Variants in TNR observed in about 807,000 individuals in gnomAD.
The protein encoded by TNR is tenascin-R.
A neutral mutation model predicts 150.4 loss-of-function variants in TNR; 45 were observed. That is an observed-to-expected ratio of 0.30 (90% CI 0.24 to 0.38). The LOEUF is 0.38. Among genes scored for constraint, TNR ranks in the 10% least tolerant of loss-of-function variants. The probability of loss-of-function intolerance (pLI) is 1.00; values close to 1 mark genes in which losing one functional copy is unlikely to be tolerated. For synonymous variants in TNR, 687 were observed against 678.4 expected, an observed-to-expected ratio of 1.01 and a Z score of -0.20; for missense variants, 1,544 against 1,759.1, an observed-to-expected ratio of 0.88 and a Z score of 2.19.
At chr1:175,541,883 T>C (rs1398011470) in intron 1 of TNR, among the ~76,000 whole-genome samples, 2 of 152,212 alleles carry the variant, frequency 1.3e-5, no homozygotes, top group Non-Finnish European at 2.9e-5. Context: ...CTGAACCATA[T>C]GAAATTGCCA....
intron 1 of TNR, among the ~76,000 whole-genome samples, chr1:175,576,151 G>A (rs890712210): frequency 1.3e-5 from 2 of 152,138 alleles, no homozygotes; most frequent in African/African-American, 2.4e-5. Context: ...GGCAGTGATG[G>A]CACAGCTGGG....
At chr1:175,737,365 C>T (rs1277311013) in intron 1 of TNR, among the ~76,000 whole-genome samples, 1 of 152,164 alleles carries the variant, frequency 6.6e-6, no homozygotes, top group East Asian at 1.9e-4. Context: ...CATTAATAGT[C>T]ATGACAGAAA....
At position 175,451,659 on chromosome 1, in the gene TNR, G is replaced by A. The variant is rs59402075; in HGVS notation, c.-63-44882C>T. On this transcript the variant is annotated intron_variant, in intron 2 of 22. Transcript: ENST00000367674. The stretch of plus-strand genomic sequence containing the variant: ...TGGAACCTGCTGAAAGTAGTGCGGC[G>A]GCTGGCATTCCCTCAGCCCTTTATG... 3.8e-3 allele frequency among the ~76,000 whole-genome samples: 573 copies of A among 152,286 alleles called. 2 individuals carry two copies. The highest frequency in any genetic ancestry group is 0.013 in the African/African-American group (545 of 41,546).
intron 3 of TNR, among the ~76,000 whole-genome samples, chr1:175,405,652 T>C (rs1325585011): frequency 6.6e-6 from 1 of 151,294 alleles, no homozygotes; most frequent in Non-Finnish European, 1.5e-5. Context: ...TGTGTGTGCA[T>C]ACGCTTCTGT....
chr1:175,396,964 G>A (rs1223762149), intron 4 of TNR, among the ~76,000 whole-genome samples, 157 bp from the exon 5 acceptor site: 2 of 152,130 alleles, frequency 1.3e-5, no homozygotes, highest in African/African-American at 4.8e-5. Context: ...TTGTGAGCAG[G>A]CTCTTGTCTT....
At chr1:175,465,644 A>G (rs145963762) in intron 2 of TNR, among the ~76,000 whole-genome samples, 1 of 152,198 alleles carries the variant, frequency 6.6e-6, no homozygotes, top group African/African-American at 2.4e-5. Context: ...TGTGGAAGGA[A>G]GATGGAAAGG....
intron 14 of TNR, among the ~76,000 whole-genome samples, chr1:175,361,141 A>G (rs1557884776): frequency 6.6e-6 from 1 of 152,152 alleles, no homozygotes; most frequent in Non-Finnish European, 1.5e-5. Flanking sequence ...GGCTCACTGT[A>G]GCCTTGGACT....
chr1:175,614,812 G>A (rs1363257405), intron 1 of TNR, among the ~76,000 whole-genome samples: 1 of 152,196 alleles, frequency 6.6e-6, no homozygotes, highest in East Asian at 1.9e-4. Flanking sequence ...TGACCTGTAT[G>A]AGCACACACA....
At chr1:175,686,862 T>C (rs191860218) in intron 1 of TNR, among the ~76,000 whole-genome samples, 1 of 152,320 alleles carries the variant, frequency 6.6e-6, no homozygotes, top group Admixed American at 6.5e-5. Flanking sequence ...GGTGTACATG[T>C]CCTAAATTTT....
At chr1:175,529,851 T>A (rs1228109868) in intron 1 of TNR, among the ~76,000 whole-genome samples, 3 of 152,198 alleles carry the variant, frequency 2.0e-5, no homozygotes, top group Admixed American at 1.3e-4. Flanking sequence ...TTGAACCAAC[T>A]GCATCAAAAG....
At chr1:175,355,963 A>G (rs2102006396) in intron 16 of TNR, among the ~76,000 whole-genome samples, 1 of 152,122 alleles carries the variant, frequency 6.6e-6, no homozygotes, top group East Asian at 1.9e-4. Context: ...ACGTTTCCAC[A>G]TATTACCTAT....
chr1:175,702,736 T>C (rs961610364), intron 1 of TNR, among the ~76,000 whole-genome samples: 4 of 152,216 alleles, frequency 2.6e-5, no homozygotes, highest in Non-Finnish European at 4.4e-5. Flanking sequence ...TGGGTGCACC[T>C]GCCCAATACA....
At chr1:175,430,620 G>C (rs1316757323) in intron 2 of TNR, among the ~76,000 whole-genome samples, 1 of 152,182 alleles carries the variant, frequency 6.6e-6, no homozygotes, top group Admixed American at 6.5e-5. Context: ...TAGCGGTAGA[G>C]CTGAGATTAG....
At chr1:175,588,177 T>C (rs1662651790) in intron 1 of TNR, among the ~76,000 whole-genome samples, 1 of 152,250 alleles carries the variant, frequency 6.6e-6, no homozygotes, top group Non-Finnish European at 1.5e-5. Flanking sequence ...AGATATTCCA[T>C]AACCGCTTAA....
intron 11 of TNR, 89 bp from the exon 12 acceptor site, chr1:175,365,368 C>G (rs1651786320): frequency 7.0e-7 from 1 of 1,432,830 alleles, no homozygotes; most frequent in South Asian, 1.4e-5. Context: ...GGGACCTGCT[C>G]TCCTTGCTAA....
At chr1:175,511,201 AC>A (rs1400945214) in intron 2 of TNR, among the ~76,000 whole-genome samples, 2 of 152,216 alleles carry the variant, frequency 1.3e-5, no homozygotes, top group Admixed American at 1.3e-4. Flanking sequence ...ATATAATAAA[AC>A]AAAGCTCTGC....
At chr1:175,637,829 C>G (rs1264908738) in intron 1 of TNR, among the ~76,000 whole-genome samples, 1 of 152,202 alleles carries the variant, frequency 6.6e-6, no homozygotes, top group Admixed American at 6.5e-5. Context: ...GATTAGATCT[C>G]TTTGCTCAGA....
chr1:175,393,703 T>G lies in TNR; in HGVS notation c.1356+77A>C, dbSNP rs533967046. ...AGAGAGATATTGGGTAGCACTTTCCTTGCTGCCCCTGATTCCAAGCTAAAG... is the reference window on the plus strand; with the variant it reads ...AGAGAGATATTGGGTAGCACTTTCCGTGCTGCCCCTGATTCCAAGCTAAAG... On this transcript the variant is annotated intron_variant, in intron 6 of 22. Coordinates refer to ENST00000367674, the MANE Select transcript of TNR (RefSeq NM_003285.3). The G allele has an allele frequency of 5.7e-4, 682 of 1,205,180 alleles. 3 individuals carry two copies. In the Middle Eastern group the frequency reaches 7.2e-3, roughly 13 times the overall value. The allele number at this position is 1,205,180 out of a possible 1,614,324, so 74.7% of individuals were successfully genotyped here. A position where few individuals can be genotyped will look rare whatever the true frequency, so the allele number is the denominator to read the frequency against.
At chr1:175,519,944 T>C (rs940560073) in intron 2 of TNR, among the ~76,000 whole-genome samples, 3 of 152,212 alleles carry the variant, frequency 2.0e-5, no homozygotes, top group Non-Finnish European at 4.4e-5. Flanking sequence ...CTCAAACTAC[T>C]TGGGTTCAAA....
Sources: gnomAD v4.1 joint callset for allele counts (sites outside exome capture counted in the v4.1 genomes callset) on GRCh38, gnomAD v4.1.1 for gene constraint, MANE v1.5 for transcripts, NCBI Gene and HGNC (gene_info 2026-07-23, HGNC 2026-07-21) for gene names.